COL6A5: variants seen among roughly 807,000 people sequenced by gnomAD.
The protein encoded by COL6A5 is collagen alpha-5(VI) chain.
Under a neutral mutation model 65.6 loss-of-function variants are expected in COL6A5, and 48 were observed. The ratio of observed to expected loss-of-function variants is 0.73; its 90% CI spans 0.58 to 0.93. The LOEUF is 0.93. Ranked by LOEUF, COL6A5 falls within the 40% of genes least tolerant of loss-of-function variation. COL6A5 has a pLI of 0.00. For missense variants in COL6A5, 914 were observed against 928.3 expected (o/e 0.98, Z 0.20); for synonymous variants, 291 against 322.8 (o/e 0.90, Z 1.05).
At chr3:130,475,986 T>C (rs1710082499) in intron 7 of COL6A5, among the ~76,000 whole-genome samples, 1 of 152,076 alleles carries the variant, frequency 6.6e-6, no homozygotes, top group Admixed American at 6.6e-5. Flanking sequence ...TTTACCAACA[T>C]CTGGAGGAAG....
intron 27 of COL6A5, among the ~76,000 whole-genome samples, 173 bp from the exon 28 acceptor site, chr3:130,422,547 G>A (rs561093652): frequency 2.0e-5 from 3 of 151,938 alleles, no homozygotes; most frequent in South Asian, 2.1e-4. Context: ...AAGAATAAGT[G>A]TACCAATGAC....
At chr3:130,390,089 C>T (rs1270866041) in intron 6 of COL6A5, among the ~76,000 whole-genome samples, 4 of 152,102 alleles carry the variant, frequency 2.6e-5, no homozygotes, top group African/African-American at 9.7e-5. Flanking sequence ...TTTTCTTCTT[C>T]CCCCAAAGAT....
chr3:130,462,651 C>T (rs186105560), intron 5 of COL6A5, among the ~76,000 whole-genome samples: 5 of 152,246 alleles, frequency 3.3e-5, no homozygotes, highest in Admixed American at 1.3e-4. Context: ...TAACAGATGA[C>T]AGAGGCAGGA....
chr3:130,361,387 G>A (rs1935100959), intron 1 of COL6A5, among the ~76,000 whole-genome samples: 1 of 151,914 alleles, frequency 6.6e-6, no homozygotes, highest in African/African-American at 2.4e-5. Context: ...ATGCATTTAA[G>A]GTTCATGTCT....
chr3:130,381,612 A>C (rs1935997565), intron 4 of COL6A5, among the ~76,000 whole-genome samples: 1 of 152,072 alleles, frequency 6.6e-6, no homozygotes, highest in South Asian at 2.1e-4. Context: ...GGTACATGCC[A>C]AGAGATACTT....
intron 6 of COL6A5, among the ~76,000 whole-genome samples, 181 bp from the exon 7 acceptor site, chr3:130,390,998 C>T (rs527933478): frequency 1.0e-3 from 158 of 152,296 alleles, no homozygotes; most frequent in African/African-American, 3.5e-3. Flanking sequence ...GCAAGTTGCA[C>T]TTCTCTGAGC....
chr3:130,418,772 A>G, intron 24 of COL6A5, 97 bp from the exon 25 acceptor site: 1 of 926,152 alleles, frequency 1.1e-6, no homozygotes, highest in South Asian at 1.4e-5. Context: ...CCCCTCACTG[A>G]GAACCTTGAG....
At chr3:130,380,037 T>A in exon 4 of COL6A5, 2 of 1,522,470 alleles carry the variant, frequency 1.3e-6, no homozygotes, top group Non-Finnish European at 8.8e-7. Context: ...AACAAAGGAA[T>A]CTTGATAAAA....
chr3:130,440,616 G>A lies in COL6A5; in HGVS notation c.1034G>A (p.Arg345Lys), dbSNP rs745436523. The change falls in exon 3 of 8, where the codon AGA becomes AAA. Residue 345 changes from arginine (R) to lysine (K), a missense_variant. Transcript: ENST00000512836. The stretch of plus-strand genomic sequence containing the variant: ...GTCTCAGCTGGAGAAAATTATGAGA[G>A]AAAAGAATTTGTAAAAATGATGGCT... 14 of 1,613,356 alleles carry A rather than the reference G, an allele frequency of 8.7e-6. No homozygotes were observed. The South Asian group carries it at 1.3e-4, about 15-fold the overall frequency.
At chr3:130,466,792 A>G (rs1709828719) in intron 5 of COL6A5, among the ~76,000 whole-genome samples, 7 of 151,996 alleles carry the variant, frequency 4.6e-5, no homozygotes. Context: ...TATTCCAAGG[A>G]TATTAAAAGG....
intron 4 of COL6A5, among the ~76,000 whole-genome samples, chr3:130,382,483 A>AAT (rs35371499): frequency 6.6e-6 from 1 of 152,116 alleles, no homozygotes; most frequent in African/African-American, 2.4e-5. Context: ...TTTTAAACTT[A>AAT]GAGTCTTTTG....
intron 1 of COL6A5, among the ~76,000 whole-genome samples, chr3:130,433,561 C>A (rs1937907148): frequency 6.6e-6 from 1 of 152,120 alleles, no homozygotes; most frequent in African/African-American, 2.4e-5. Context: ...TTCTTCCCTG[C>A]CTTGCACTCT....
chr3:130,472,203 CAAGT>C (rs1709969746), intron 7 of COL6A5, among the ~76,000 whole-genome samples: 1 of 152,046 alleles, frequency 6.6e-6, no homozygotes, highest in South Asian at 2.1e-4. Flanking sequence ...TAGCAGGTCT[CAAGT>C]AAGCAGGAGC....
chr3:130,413,294 A>G (rs1292443104), intron 20 of COL6A5, among the ~76,000 whole-genome samples: 1 of 150,102 alleles, frequency 6.7e-6, no homozygotes, highest in Non-Finnish European at 1.5e-5. Flanking sequence ...CTCCTGGATA[A>G]TTGTTAGAGG....
At chr3:130,394,499 CTAA>C (rs1936524448) in intron 7 of COL6A5, among the ~76,000 whole-genome samples, 1 of 152,122 alleles carries the variant, frequency 6.6e-6, no homozygotes, top group African/African-American at 2.4e-5. Flanking sequence ...AATAGGAGTA[CTAA>C]TAATAGTACA....
intron 29 of COL6A5, among the ~76,000 whole-genome samples, chr3:130,424,359 A>G (rs1026905254): frequency 1.6e-4 from 24 of 152,052 alleles, no homozygotes; most frequent in Admixed American, 1.6e-3. Flanking sequence ...TGATTCTATT[A>G]CAAGAAAAAT....
At chr3:130,355,789 AT>A (rs958280440) in intron 1 of COL6A5, among the ~76,000 whole-genome samples, 5 of 152,202 alleles carry the variant, frequency 3.3e-5, no homozygotes, top group Admixed American at 6.5e-5. Context: ...CCAAACATAT[AT>A]TTTGTAATAT....
chr3:130,405,748 T>G (rs919043541), intron 14 of COL6A5, 89 bp downstream of exon 14: 3 of 1,094,118 alleles, frequency 2.7e-6, no homozygotes, highest in Admixed American at 4.2e-5. Flanking sequence ...ATTTTCTCTC[T>G]TCCATCACTC....
At chr3:130,446,975 G>A (rs186093204) in intron 4 of COL6A5, among the ~76,000 whole-genome samples, 3 of 152,176 alleles carry the variant, frequency 2.0e-5, no homozygotes, top group African/African-American at 7.2e-5. Context: ...TCATGTTTTG[G>A]TTGTTCAGAC....
Sources: gnomAD v4.1 joint callset for allele counts (sites outside exome capture counted in the v4.1 genomes callset) on GRCh38, gnomAD v4.1.1 for gene constraint, MANE v1.5 for transcripts, NCBI Gene and HGNC (gene_info 2026-07-23, HGNC 2026-07-21) for gene names.